ANK3: variants seen among roughly 807,000 people sequenced by gnomAD.
ANK3 encodes the protein ankyrin 3.
ANK3 carries 57 observed loss-of-function variants against 370.9 expected under a neutral mutation model. That is an observed-to-expected ratio of 0.15 (90% confidence interval 0.12 to 0.19). The LOEUF (loss-of-function observed/expected upper bound fraction) is 0.19, where lower values mean the gene tolerates loss of function less well. Among genes scored for constraint, ANK3 ranks in the 10% least tolerant of loss-of-function variants. The pLI, the probability that ANK3 is intolerant of heterozygous loss-of-function variation, is 1.00. For synonymous variants in ANK3, 1,929 were observed against 1,946.3 expected (o/e 0.99, Z 0.23); for missense variants, 4,439 against 5,302.1 (o/e 0.84, Z 5.06).
chr10:60,380,992 C>T (rs2061474015), intron 1 of ANK3, among the ~76,000 whole-genome samples: 1 of 152,124 alleles, frequency 6.6e-6, no homozygotes, highest in Non-Finnish European at 1.5e-5. Flanking sequence ...GGTTCAGAAA[C>T]CAGGTACAAC....
intron 1 of ANK3, among the ~76,000 whole-genome samples, chr10:60,647,320 G>C (rs1254690076): frequency 6.6e-6 from 1 of 152,130 alleles, no homozygotes; most frequent in East Asian, 1.9e-4. Flanking sequence ...AATGAAATAT[G>C]AAGTCATTTT....
Position 60,069,823 on chromosome 10 carries a change from G to A in ANK3, c.11058C>T (p.Ile3686=), listed in dbSNP as rs1419213075. The change falls in exon 37 of 44, where the codon ATC becomes ATT. Residue 3686 remains isoleucine (I), a synonymous_variant. Coordinates refer to ENST00000280772, the MANE Select transcript of ANK3 (RefSeq NM_020987.5). ...CTTCCTGACACTCTCCGCTGGTCGG[G>A]ATGCTGGGGTTAGGTTCCACTGTAG... The part of the protein sequence containing the change: ...ETPTVEPNPS[I]PTSGECQEGT... 2 of 1,614,116 alleles carry A rather than the reference G, an allele frequency of 1.2e-6. No homozygotes were observed. The highest frequency in any genetic ancestry group is 2.2e-5 in the South Asian group (2 of 91,082).
intron 2 of ANK3, among the ~76,000 whole-genome samples, chr10:60,482,148 C>T (rs2075237145): frequency 6.6e-6 from 1 of 152,152 alleles, no homozygotes; most frequent in South Asian, 2.1e-4. Context: ...TTAATTCCTA[C>T]CTCAAACTCA....
intron 1 of ANK3, among the ~76,000 whole-genome samples, chr10:60,300,747 G>A (rs1246933512): frequency 2.0e-5 from 3 of 151,938 alleles, no homozygotes; most frequent in Non-Finnish European, 4.4e-5. Flanking sequence ...ACTTTCCTCT[G>A]TACTCACGCT....
At chr10:60,239,347 A>G (rs1010936546) in intron 7 of ANK3, among the ~76,000 whole-genome samples, 6 of 152,182 alleles carry the variant, frequency 3.9e-5, no homozygotes, top group East Asian at 3.8e-4. Context: ...CAATAGTCAA[A>G]TTGCTGAAAA....
At chr10:60,318,431 A>G (rs904631467) in intron 1 of ANK3, among the ~76,000 whole-genome samples, 2 of 152,190 alleles carry the variant, frequency 1.3e-5, no homozygotes, top group Non-Finnish European at 2.9e-5. Context: ...TCTCAAATCA[A>G]TGGCTGTAGA....
intron 1 of ANK3, among the ~76,000 whole-genome samples, chr10:60,341,565 T>C (rs2054284396): frequency 6.6e-6 from 1 of 152,170 alleles, no homozygotes; most frequent in Non-Finnish European, 1.5e-5. Flanking sequence ...ATTGTATTCA[T>C]GGTCTTGTTA....
intron 1 of ANK3, among the ~76,000 whole-genome samples, chr10:60,696,499 C>T (rs1305925199): frequency 6.6e-6 from 1 of 151,432 alleles, no homozygotes; most frequent in Non-Finnish European, 1.5e-5. Context: ...TGCAAAAATC[C>T]CCAATAAAAT....
intron 5 of ANK3, among the ~76,000 whole-genome samples, chr10:60,265,984 T>G (rs2097871493): frequency 6.6e-6 from 1 of 152,296 alleles, no homozygotes; most frequent in Non-Finnish European, 1.5e-5. Context: ...TCTCTATGTA[T>G]ACAAATCCCC....
chr10:60,663,793 G>A (rs1197214238), intron 1 of ANK3, among the ~76,000 whole-genome samples: 1 of 152,118 alleles, frequency 6.6e-6, no homozygotes, highest in East Asian at 1.9e-4. Context: ...ATACATACAA[G>A]ATTATTTCTG....
chr10:60,265,557 T>C (rs2097863308), intron 5 of ANK3, among the ~76,000 whole-genome samples: 2 of 150,950 alleles, frequency 1.3e-5, no homozygotes, highest in African/African-American at 4.9e-5. Flanking sequence ...TTCATTATTA[T>C]ATACTCAAAA....
intron 1 of ANK3, among the ~76,000 whole-genome samples, chr10:60,631,528 C>A (rs531997451): frequency 6.6e-6 from 1 of 151,866 alleles, no homozygotes; most frequent in African/African-American, 2.4e-5. Context: ...GATACTCCAT[C>A]TCAAAAAATA....
In ANK3 at chr10:60,076,176, A is replaced by C. The variant is rs375050420; in HGVS notation, c.4705T>G (p.Ser1569Ala). ...ATTGTCCGAAAGGATCTAATTGGAGATGCCACGTCACTAATGGATTTAACT... is the reference window on the plus strand; with the variant it reads ...ATTGTCCGAAAGGATCTAATTGGAGCTGCCACGTCACTAATGGATTTAACT... The part of the protein sequence containing the change: ...SSVKSISDVA[S>A]PIRSFRTMSS... Residue 1569 changes from serine to alanine, a missense_variant, in exon 37 of 44, where the codon TCT becomes GCT. By Grantham distance (99) the Ser-to-Ala change is moderately conservative (BLOSUM62 1). Coordinates refer to ENST00000280772, the MANE Select transcript of ANK3 (RefSeq NM_020987.5). 4.5e-5 allele frequency: 72 copies of C among 1,614,188 alleles called. 3 individuals are homozygous for C. The Middle Eastern group carries it at 5.1e-3, about 115-fold the overall frequency.
Position 60,071,642 on chromosome 10 carries a change from A to G in ANK3, c.9239T>C (p.Leu3080Pro). ...CTCTTTCCCTCCCTCTGTCTGGGCT[A>G]GTGGTGCGAGTTTTTCCAATCCATC... ...PIDGLEKLAP[L>P]AQTEGGKEIK... is the part of the protein sequence containing the mutation. Residue 3080 changes from leucine (L) to proline (P), a missense_variant, in exon 37 of 44, where the codon CTA becomes CCA. Physicochemically the swap from Leu to Pro is moderately conservative, Grantham distance 98 (BLOSUM62 -3). Around this residue, in one of 13 missense-constraint regions of ANK3, gnomAD observed 1,601 missense variants for 1,731.7 expected, o/e 0.92. Transcript: ENST00000280772. The G allele has an allele frequency of 6.2e-7, 1 of 1,610,132 alleles. No individual in the cohort carries two copies. Among genetic ancestry groups the G allele is most frequent in the Non-Finnish European group, 8.5e-7 (1 of 1,178,712 alleles).
chr10:60,086,614 A>T, intron 30 of ANK3, 63 bp downstream of exon 30: 1 of 1,412,652 alleles, frequency 7.1e-7, no homozygotes, highest in Non-Finnish European at 9.7e-7. Flanking sequence ...CTTTGTACAC[A>T]AATATATCTT....
At chr10:60,507,765 T>C (rs148115284) in intron 2 of ANK3, 35 of 152,162 alleles carry the variant, frequency 2.3e-4, no homozygotes, top group African/African-American at 6.7e-4. Flanking sequence ...AATGAAGATA[T>C]TAAAAGGATT....
chr10:60,460,220 G>T (rs2064848327), intron 2 of ANK3, among the ~76,000 whole-genome samples: 1 of 152,082 alleles, frequency 6.6e-6, no homozygotes, highest in Admixed American at 6.6e-5. Context: ...AATATATAGG[G>T]AATCACTTGC....
At chr10:60,733,500 G>C, upstream of ANK3, 1 of 488,378 alleles carries the variant, frequency 2.0e-6, no homozygotes, top group East Asian at 3.6e-5. Flanking sequence ...TGTCCGCTGC[G>C]ACCGCCAGGT....
intron 1 of ANK3, among the ~76,000 whole-genome samples, chr10:60,307,957 T>C (rs1370269300): frequency 1.3e-5 from 2 of 152,216 alleles, no homozygotes; most frequent in Non-Finnish European, 2.9e-5. Flanking sequence ...AGCATTTATA[T>C]CACTGATGTG....
Sources: allele counts gnomAD v4.1 joint callset (sites outside exome capture counted in the v4.1 genomes callset), GRCh38; gene constraint gnomAD v4.1.1; regional missense constraint gnomAD v4.1.1; transcripts MANE v1.5; gene names NCBI Gene and HGNC (gene_info 2026-07-23, HGNC 2026-07-21).